POU3F3: variants seen among roughly 807,000 people sequenced by gnomAD.
POU3F3 encodes POU domain, class 3, transcription factor 3.
In POU3F3, 1 loss-of-function variant was observed where a neutral mutation model predicts 8.6. The ratio of observed to expected loss-of-function variants is 0.12; its 90% CI spans 0.04 to 0.55. POU3F3 has a LOEUF of 0.55. Among genes scored for constraint, POU3F3 ranks in the 20% least tolerant of loss-of-function variants. The pLI, the probability that POU3F3 is intolerant of heterozygous loss-of-function variation, is 0.91. For synonymous variants in POU3F3, 418 were observed against 327.4 expected (o/e 1.28, Z -2.99); for missense variants, 577 against 690.7 (o/e 0.84, Z 1.84).
At chr2:104,901,575 A>G in the POU3F3 span, among the ~76,000 whole-genome samples, 2 of 152,192 alleles carry the variant, frequency 1.3e-5, no homozygotes, top group African/African-American at 2.4e-5. Context: ...GTGGAAACCA[A>G]TGCATCACTG....
chr2:104,911,741 C>T, the POU3F3 span, among the ~76,000 whole-genome samples: 16 of 151,648 alleles, frequency 1.1e-4, no homozygotes, highest in Admixed American at 9.2e-4. Context: ...AAGAGAGGAA[C>T]CATCCGAGAC....
At chr2:104,897,049 C>A in the POU3F3 span, among the ~76,000 whole-genome samples, 3 of 152,172 alleles carry the variant, frequency 2.0e-5, no homozygotes, top group Non-Finnish European at 2.9e-5. Flanking sequence ...TGAAAGCTTA[C>A]GGTTAAAATC....
chr2:104,903,976 T>C, the POU3F3 span, among the ~76,000 whole-genome samples: 1 of 152,166 alleles, frequency 6.6e-6, no homozygotes, highest in African/African-American at 2.4e-5. Flanking sequence ...TTGGAAGTCG[T>C]AGGTAAGATT....
At chr2:104,884,400 G>T in the POU3F3 span, among the ~76,000 whole-genome samples, 6 of 152,100 alleles carry the variant, frequency 3.9e-5, no homozygotes, top group South Asian at 4.1e-4. Context: ...TAAGAAGGCT[G>T]GGCTCACATC....
At chr2:104,879,371 G>A in the POU3F3 span, among the ~76,000 whole-genome samples, 3 of 152,098 alleles carry the variant, frequency 2.0e-5, no homozygotes, top group African/African-American at 4.8e-5. Context: ...ACAGTCTTCC[G>A]GTCATCTGAG....
the POU3F3 span, among the ~76,000 whole-genome samples, chr2:104,885,162 A>G: frequency 6.6e-6 from 1 of 152,242 alleles, no homozygotes; most frequent in East Asian, 1.9e-4. Flanking sequence ...TGTCTGTCCA[A>G]TGATCTAAAC....
the POU3F3 span, among the ~76,000 whole-genome samples, chr2:104,913,104 C>G: frequency 1.3e-5 from 2 of 152,050 alleles, no homozygotes; most frequent in South Asian, 4.2e-4. Context: ...GCAATTGAAA[C>G]GCAGCTTTGT....
At chr2:104,859,314 C>T (rs1676628741), downstream of POU3F3, among the ~76,000 whole-genome samples, 1 of 152,140 alleles carries the variant, frequency 6.6e-6, no homozygotes, top group South Asian at 2.1e-4. Context: ...TCACCTTTTA[C>T]ATAAACCCTG....
the POU3F3 span, among the ~76,000 whole-genome samples, chr2:104,894,981 T>C: frequency 2.0e-5 from 3 of 152,188 alleles, no homozygotes; most frequent in African/African-American, 7.2e-5. Context: ...AGGGATTTTA[T>C]TTAGAGCTTT....
the POU3F3 span, among the ~76,000 whole-genome samples, chr2:104,913,441 C>T: frequency 1.3e-5 from 2 of 152,124 alleles, no homozygotes; most frequent in Admixed American, 1.3e-4. Flanking sequence ...GAGGCTTGGG[C>T]ACTGACTAAG....
chr2:104,898,241 G>A, the POU3F3 span, among the ~76,000 whole-genome samples: 2 of 152,196 alleles, frequency 1.3e-5, no homozygotes, highest in Admixed American at 6.5e-5. Flanking sequence ...AGCCATGCTG[G>A]TCCTCTGATT....
chr2:104,925,328 G>A, the POU3F3 span, among the ~76,000 whole-genome samples: 1 of 152,144 alleles, frequency 6.6e-6, no homozygotes, highest in African/African-American at 2.4e-5. Context: ...AGATGAGAAG[G>A]GTATTAAATG....
At chr2:104,905,665 T>G in the POU3F3 span, among the ~76,000 whole-genome samples, 2 of 152,210 alleles carry the variant, frequency 1.3e-5, no homozygotes, top group Non-Finnish European at 1.5e-5. Context: ...TTTTCTAGTT[T>G]CTAATGGCTT....
the POU3F3 span, among the ~76,000 whole-genome samples, chr2:104,889,244 C>T: frequency 6.6e-6 from 1 of 152,180 alleles, no homozygotes; most frequent in Non-Finnish European, 1.5e-5. Flanking sequence ...AAATACTAGG[C>T]TCACAGACAC....
chr2:104,907,904 T>C, the POU3F3 span, among the ~76,000 whole-genome samples: 2 of 152,172 alleles, frequency 1.3e-5, no homozygotes, highest in African/African-American at 4.8e-5. Flanking sequence ...GATACTATGA[T>C]ATGGATACTG....
At chr2:104,897,280 A>G in the POU3F3 span, among the ~76,000 whole-genome samples, 955 of 152,302 alleles carry the variant, frequency 6.3e-3, 13 homozygotes, top group African/African-American at 0.021. Context: ...ACCCTCAATT[A>G]TACTGAGTCT....
the POU3F3 span, among the ~76,000 whole-genome samples, chr2:104,926,446 C>T: frequency 6.6e-6 from 1 of 152,118 alleles, no homozygotes. Context: ...ATTAAAAAGT[C>T]AAGAAACAAC....
At chr2:104,900,453 TAA>T in the POU3F3 span, among the ~76,000 whole-genome samples, 1 of 152,310 alleles carries the variant, frequency 6.6e-6, no homozygotes, top group African/African-American at 2.4e-5. Context: ...CCCCCTAACT[TAA>T]GTCTTTTAAT....
downstream of POU3F3, among the ~76,000 whole-genome samples, chr2:104,859,608 G>A (rs1304440575): frequency 6.6e-6 from 1 of 152,134 alleles, no homozygotes; most frequent in African/African-American, 2.4e-5. Context: ...AAAACTGTGA[G>A]AGCAACAAGG....
Sources: gnomAD v4.1 joint callset for allele counts (sites outside exome capture counted in the v4.1 genomes callset) on GRCh38, gnomAD v4.1.1 for gene constraint, MANE v1.5 for transcripts, NCBI Gene and HGNC (gene_info 2026-07-23, HGNC 2026-07-21) for gene names.